Variants in GNB1L observed in about 807,000 individuals in gnomAD.
GNB1L encodes G protein subunit beta 1 like.
GNB1L carries 20 observed loss-of-function variants against 29.1 expected under a neutral mutation model. The observed-to-expected ratio is 0.69, with a 90% CI of 0.48 to 1.00. GNB1L has a LOEUF of 1.00. Among genes scored for constraint, GNB1L ranks in the 50% least tolerant of loss-of-function variants. The probability of loss-of-function intolerance (pLI) is 0.00; values close to 1 mark genes in which losing one functional copy is unlikely to be tolerated. For missense variants in GNB1L, 421 were observed against 464.9 expected (o/e 0.91, Z 0.87); for synonymous variants, 193 against 206.5 (o/e 0.93, Z 0.56).
In GNB1L at chr22:19,812,336, G is replaced by C. The variant is rs28417880; in HGVS notation, c.366C>G (p.Ala122=). 1.8e-3 allele frequency: 2,918 copies of C among 1,613,084 alleles called. 62 individuals carry two copies. The African/African-American group carries it at 0.032, about 18-fold the overall frequency. Residue 122 remains alanine (A), a synonymous_variant, in exon 5 of 8, where the codon GCC becomes GCG. Transcript: ENST00000329517. ...SVGFCRSSIL[A]GGQPRWTLAV... ...CAAGCGTCCAGCGTGGCTGGCCCCCGGCCAGGATGCTGCTCCGGCAGAAGC... is the reference window on the plus strand; with the variant it reads ...CAAGCGTCCAGCGTGGCTGGCCCCCCGCCAGGATGCTGCTCCGGCAGAAGC...
rs1332804537 is a variant in GNB1L, at chr22:19,802,232, GAGC to G, written c.517-19_517-17del. 5 of 1,607,142 alleles carry G rather than the reference GAGC, an allele frequency of 3.1e-6. No individual in the cohort carries two copies. Among genetic ancestry groups the G allele is most frequent in the Non-Finnish European group, 4.3e-6 (5 of 1,176,448 alleles). ...TGCAGTCGGCCTGCGGGGAACAGCA[GAGC>G]AGTCAGCTCCTGGAAGGACCCTGAC... On this transcript the variant is annotated splice_polypyrimidine_tract_variant and intron_variant, in intron 6 of 7. Transcript: ENST00000329517.
At chr22:19,847,358 C>T (rs1434600235) in intron 2 of GNB1L, 1 of 985,338 alleles carries the variant, frequency 1.0e-6, no homozygotes, top group East Asian at 1.1e-4. Flanking sequence ...TGCCTTGCTC[C>T]TTTATTGCTG....
At chr22:19,850,001 A>G in intron 2 of GNB1L, 1 of 985,452 alleles carries the variant, frequency 1.0e-6, no homozygotes, top group African/African-American at 1.7e-5. Context: ...ACAGCTCTGG[A>G]CTGCTGCCTG....
intron 2 of GNB1L, chr22:19,849,224 G>A (rs955367644): frequency 7.1e-6 from 7 of 985,176 alleles, no homozygotes; most frequent in African/African-American, 7.0e-5. Flanking sequence ...TATTTCCAAG[G>A]TTTCCAGTTG....
chr22:19,841,212 C>T (rs1338474362), intron 2 of GNB1L, among the ~76,000 whole-genome samples: 4 of 152,300 alleles, frequency 2.6e-5, no homozygotes, highest in South Asian at 4.1e-4. Context: ...CTCAGAAATG[C>T]GTCCGTGCAC....
chr22:19,826,679 G>A (rs1937621969), intron 2 of GNB1L, among the ~76,000 whole-genome samples: 1 of 152,194 alleles, frequency 6.6e-6, no homozygotes, highest in Non-Finnish European at 1.5e-5. Context: ...ACTGTTTACT[G>A]ATCACAAAAG....
chr22:19,787,105 T>C lies in GNB1L; in HGVS notation c.*1604A>G, dbSNP rs1247576589. The C allele has an allele frequency of 6.6e-6, 1 of 152,270 alleles. No homozygotes were observed. The highest frequency in any genetic ancestry group is 1.5e-5 in the Non-Finnish European group (1 of 68,096). 9.4% of individuals were successfully genotyped at this position (152,270 alleles called of 1,614,324 possible). On this transcript the variant is annotated 3_prime_UTR_variant, in exon 8 of 8. Coordinates refer to ENST00000329517, the MANE Select transcript of GNB1L (RefSeq NM_053004.3). ...CAGAGAAGTGTGGTCACAGGACTCC[T>C]CAAGGACTCCGGGCCCCCCAGCAAC...
chr22:19,834,214 G>A (rs1937727215), intron 2 of GNB1L, among the ~76,000 whole-genome samples: 1 of 152,098 alleles, frequency 6.6e-6, no homozygotes, highest in Non-Finnish European at 1.5e-5. Context: ...ATCATAAACT[G>A]CTGAAAAATA....
At chr22:19,851,198 G>T in intron 2 of GNB1L, 3 of 1,591,492 alleles carry the variant, frequency 1.9e-6, no homozygotes, top group Non-Finnish European at 2.6e-6. Context: ...TGGCTCTCCT[G>T]GGGTCTCCGG....
chr22:19,832,719 C>T (rs1012482265), intron 2 of GNB1L, among the ~76,000 whole-genome samples: 1 of 152,092 alleles, frequency 6.6e-6, no homozygotes, highest in African/African-American at 2.4e-5. Flanking sequence ...ATCAGGGGAA[C>T]CAAGGAAAGG....
At chr22:19,831,608 G>A (rs1045435557) in intron 2 of GNB1L, among the ~76,000 whole-genome samples, 1 of 151,032 alleles carries the variant, frequency 6.6e-6, no homozygotes, top group East Asian at 2.0e-4. Context: ...GGAGAATGGC[G>A]TGAACCCGGG....
rs974893531 is a variant in GNB1L at position 19,839,246 on chromosome 22, G to T, written c.-21+15197C>A. On this transcript the variant is annotated intron_variant, in intron 2 of 7. Transcript: ENST00000329517. Reference sequence around the variant, plus strand: ...ACACAGACATGGGTTAGGACTCACTGTAAGCGCACACAATAATAAAGATAA... The same window carrying T: ...ACACAGACATGGGTTAGGACTCACTTTAAGCGCACACAATAATAAAGATAA... Among the ~76,000 whole-genome samples, 7 of 152,094 alleles carry T rather than the reference G, an allele frequency of 4.6e-5. No homozygotes were observed. In the East Asian group the frequency reaches 1.3e-3, roughly 29 times the overall value.
chr22:19,811,588 G>A (rs758710856), intron 5 of GNB1L, among the ~76,000 whole-genome samples: 3 of 152,100 alleles, frequency 2.0e-5, no homozygotes, highest in Non-Finnish European at 4.4e-5. Flanking sequence ...GTGCCACTGG[G>A]GGTGTGGATA....
chr22:19,832,180 T>C (rs78384760), intron 2 of GNB1L, among the ~76,000 whole-genome samples: 6,249 of 151,774 alleles, frequency 0.041, 183 homozygotes, highest in Non-Finnish European at 0.062. Flanking sequence ...AAATAAAAAA[T>C]ATTAGCTGGG....
chr22:19,789,002 A>G (rs764129710), intron 7 of GNB1L, 42 bp from the exon 8 acceptor site: 1 of 1,558,906 alleles, frequency 6.4e-7, no homozygotes, highest in East Asian at 2.3e-5. Context: ...CCTTAAGCCC[A>G]CAAGGCAGTG....
chr22:19,798,905 C>T (rs73148925), intron 7 of GNB1L, among the ~76,000 whole-genome samples: 93 of 152,356 alleles, frequency 6.1e-4, no homozygotes, highest in Middle Eastern at 3.4e-3. Flanking sequence ...CCTGCACTAC[C>T]GTGCTCCTGA....
rs746935334 is a variant in GNB1L at position 19,802,206 on chromosome 22, C to A, written c.527G>T (p.Ser176Ile). 1.9e-6 allele frequency: 3 copies of A among 1,612,580 alleles called. No homozygotes were observed. In the Admixed American group the frequency reaches 5.0e-5, roughly 27 times the overall value. The change falls in exon 7 of 8, where the codon AGC becomes ATC. Residue 176 changes from serine (S) to isoleucine (I), a missense_variant. Ser to Ile is a moderately radical substitution (Grantham distance 142). Transcript: ENST00000329517. Reference protein sequence around the residue: ...MCLRLWQADCSSRPLLLAGYE... With the variant: ...MCLRLWQADCISRPLLLAGYE... ...GCCGGCCAGAAGGAGTGGGCGGGAG[C>A]TGCAGTCGGCCTGCGGGGAACAGCA...
At chr22:19,839,902 T>C (rs188689321) in intron 2 of GNB1L, among the ~76,000 whole-genome samples, 1 of 143,132 alleles carries the variant, frequency 7.0e-6, no homozygotes, top group South Asian at 2.1e-4. Flanking sequence ...ACAATAATAA[T>C]AATAATAATA....
chr22:19,834,296 T>C (rs6518584), intron 2 of GNB1L, among the ~76,000 whole-genome samples: 81,600 of 152,066 alleles, frequency 0.54, 23,741 homozygotes, highest in African/African-American at 0.78. Context: ...ACTCTATATC[T>C]AGCAAAATAT....
Sources: gnomAD v4.1 joint callset for allele counts (sites outside exome capture counted in the v4.1 genomes callset) on GRCh38, gnomAD v4.1.1 for gene constraint, MANE v1.5 for transcripts, NCBI Gene and HGNC (gene_info 2026-07-23, HGNC 2026-07-21) for gene names.